TIA1: variants seen among roughly 807,000 people sequenced by gnomAD.
TIA1 encodes the protein cytotoxic granule associated RNA binding protein TIA1.
Under a neutral mutation model 65.9 loss-of-function variants are expected in TIA1, and 23 were observed. The ratio of observed to expected loss-of-function variants is 0.35; its 90% CI spans 0.25 to 0.49. The LOEUF (loss-of-function observed/expected upper bound fraction) is 0.49, where lower values mean the gene tolerates loss of function less well. Among genes scored for constraint, TIA1 ranks in the 20% least tolerant of loss-of-function variants. TIA1 has a pLI of 0.98. For missense variants in TIA1, 371 were observed against 477.9 expected, an observed-to-expected ratio of 0.78 and a Z score of 2.09; for synonymous variants, 147 against 149.4, an observed-to-expected ratio of 0.98 and a Z score of 0.12.
At chr2:70,244,408 AGACG>A (rs1414545026) in intron 1 of TIA1, among the ~76,000 whole-genome samples, 28 of 152,346 alleles carry the variant, frequency 1.8e-4, no homozygotes, top group Admixed American at 1.2e-3. Flanking sequence ...AGTTCCCAGA[AGACG>A]GACAGCCATG....
intron 5 of TIA1, chr2:70,228,378 A>G (rs1192737108): frequency 7.8e-7 from 1 of 1,288,252 alleles, no homozygotes. Flanking sequence ...AAAGTATTTG[A>G]CAGTTTTCTC....
At chr2:70,236,901 A>C (rs80313284) in intron 1 of TIA1, among the ~76,000 whole-genome samples, 10,514 of 152,216 alleles carry the variant, frequency 0.069, 1,131 homozygotes, top group African/African-American at 0.23. Context: ...GTGTAATCTT[A>C]AAGATTACAG....
At chr2:70,218,567 C>T (rs921897348) in intron 7 of TIA1, among the ~76,000 whole-genome samples, 3 of 152,070 alleles carry the variant, frequency 2.0e-5, no homozygotes, top group South Asian at 2.1e-4. Context: ...CCACCAAGCC[C>T]GGCTAATTTT....
intron 3 of TIA1, 55 bp downstream of exon 3, chr2:70,230,701 T>A (rs1328567075): frequency 7.8e-7 from 1 of 1,279,864 alleles, no homozygotes; most frequent in Non-Finnish European, 1.1e-6. Flanking sequence ...AACAAAATCA[T>A]ATATAACTTA....
At chr2:70,227,227 T>C (rs1684202383) in intron 6 of TIA1, among the ~76,000 whole-genome samples, 1 of 152,178 alleles carries the variant, frequency 6.6e-6, no homozygotes, top group South Asian at 2.1e-4. Context: ...AGCAAGGCAG[T>C]GCTTCATAAA....
At chr2:70,233,325 G>T (rs1001264916) in intron 2 of TIA1, among the ~76,000 whole-genome samples, 2 of 152,086 alleles carry the variant, frequency 1.3e-5, no homozygotes, top group Non-Finnish European at 2.9e-5. Flanking sequence ...TTAAAGCAAC[G>T]AGGCCAAGAC....
At position 70,211,266 on chromosome 2, in the gene TIA1, C is replaced by CGG. The variant is rs1558728218; in HGVS notation, c.*1452_*1453insCC. The CGG allele has an allele frequency of 6.6e-6, 1 of 152,136 alleles. No individual in the cohort carries two copies. The highest frequency in any genetic ancestry group is 1.5e-5 in the Non-Finnish European group (1 of 68,020). The allele number at this position is 152,136 out of a possible 1,614,324, so 9.4% of individuals were successfully genotyped here. A position where few individuals can be genotyped will look rare whatever the true frequency, so the allele number is the denominator to read the frequency against. ...TATACTAGAAATTTCAAAACTAGAA[C>CGG]AATGCCATCAAAGATTAAACCTCTT... is the stretch of plus-strand genomic sequence containing the variant. On this transcript the variant is annotated 3_prime_UTR_variant, in exon 13 of 13. Transcript: ENST00000433529.
intron 11 of TIA1, chr2:70,215,068 G>A (rs1347118261): frequency 3.6e-6 from 1 of 275,430 alleles, no homozygotes; most frequent in African/African-American, 2.3e-5. Context: ...GCATGCTTGT[G>A]AGTTCTCCAA....
At chr2:70,234,054 A>G (rs1220617649) in intron 2 of TIA1, among the ~76,000 whole-genome samples, 1 of 152,234 alleles carries the variant, frequency 6.6e-6, no homozygotes, top group African/African-American at 2.4e-5. Context: ...TAGCCAAGGC[A>G]ATCATTAACG....
At chr2:70,224,841 A>AT (rs1486795864) in intron 6 of TIA1, 3 of 1,310,214 alleles carry the variant, frequency 2.3e-6, no homozygotes, top group Admixed American at 3.3e-5. Flanking sequence ...ATATATGTAT[A>AT]TTTATATTGT....
chr2:70,218,902 G>C (rs939306024), intron 7 of TIA1, among the ~76,000 whole-genome samples: 1 of 152,174 alleles, frequency 6.6e-6, no homozygotes, highest in Admixed American at 6.5e-5. Flanking sequence ...AAAATAATGG[G>C]GGCTGGAGGG....
rs1262100031 is a variant in TIA1, at chr2:70,229,393, T to C, written c.223-75A>G. ...AATCACATTTGTATCTATAAACACA[T>C]AGGAAGATATCTGTTTAAGATGAAA... On this transcript the variant is annotated intron_variant, in intron 3 of 12. Transcript: ENST00000433529. The C allele has an allele frequency of 1.1e-5, 14 of 1,247,852 alleles. No individual in the cohort carries two copies. The Admixed American group carries it at 1.8e-4, about 16-fold the overall frequency. The allele number at this position is 1,247,852 out of a possible 1,614,324, so 77.3% of individuals were successfully genotyped here.
intron 3 of TIA1, among the ~76,000 whole-genome samples, chr2:70,229,528 A>G (rs896530399): frequency 6.6e-6 from 1 of 152,204 alleles, no homozygotes; most frequent in Non-Finnish European, 1.5e-5. Flanking sequence ...TTATCATTCA[A>G]TTAACCTTTC....
rs1676382578 is a variant in TIA1, at chr2:70,211,136, T to C, written c.*1583A>G. 1 of 152,144 alleles carries C rather than the reference T, an allele frequency of 6.6e-6. No individual in the cohort carries two copies. Among genetic ancestry groups the C allele is most frequent in the African/African-American group, 2.4e-5 (1 of 41,428 alleles). The allele number at this position is 152,144 out of a possible 1,614,324, so 9.4% of individuals were successfully genotyped here. A position where few individuals can be genotyped will look rare whatever the true frequency, so the allele number is the denominator to read the frequency against. The stretch of plus-strand genomic sequence containing the variant: ...TTGAAAACCATCAACCATTCAAATA[T>C]GTATACTGGGACCTTTCCTCTTGAG... On this transcript the variant is annotated 3_prime_UTR_variant, in exon 13 of 13. Coordinates refer to ENST00000433529, the MANE Select transcript of TIA1 (RefSeq NM_022173.4).
At chr2:70,221,773 C>T (rs1681488010) in intron 7 of TIA1, among the ~76,000 whole-genome samples, 1 of 151,110 alleles carries the variant, frequency 6.6e-6, no homozygotes, top group South Asian at 2.1e-4. Flanking sequence ...CTAGAAACCA[C>T]TGAATTGTAT....
chr2:70,246,454 G>C (rs1432510176), intron 1 of TIA1, among the ~76,000 whole-genome samples: 2 of 152,208 alleles, frequency 1.3e-5, no homozygotes, highest in Non-Finnish European at 2.9e-5. Context: ...TGCCTGACTA[G>C]AAAAATGGGA....
intron 5 of TIA1, chr2:70,228,599 T>C (rs745421187): frequency 9.0e-7 from 1 of 1,112,350 alleles, no homozygotes; most frequent in Non-Finnish European, 1.1e-6. Flanking sequence ...ACTTTAAAAA[T>C]GCAAAATTGT....
chr2:70,246,017 G>A (rs1280475454), intron 1 of TIA1, among the ~76,000 whole-genome samples: 2 of 146,814 alleles, frequency 1.4e-5, no homozygotes, highest in African/African-American at 5.1e-5. Flanking sequence ...TCCACCTCCC[G>A]GGTTCAAGCG....
In TIA1 at chr2:70,248,619, A is replaced by C. The variant is rs997848387; in HGVS notation, c.-189T>G. On this transcript the variant is annotated 5_prime_UTR_variant, in exon 1 of 13. Coordinates refer to ENST00000433529, the MANE Select transcript of TIA1 (RefSeq NM_022173.4). ...GCGGGAACAATGAAACCCCAATACAAGATGGCGGCGAGCCGGGAGCCTAGG... is the reference window on the plus strand; with the variant it reads ...GCGGGAACAATGAAACCCCAATACACGATGGCGGCGAGCCGGGAGCCTAGG... The C allele has an allele frequency of 5.4e-5, 41 of 763,032 alleles. No individual in the cohort carries two copies. The highest frequency in any genetic ancestry group is 8.1e-5 in the Non-Finnish European group (38 of 472,018). The allele number at this position is 763,032 out of a possible 1,614,324, so 47.3% of individuals were successfully genotyped here. A position where few individuals can be genotyped will look rare whatever the true frequency, so the allele number is the denominator to read the frequency against.
Sources: allele counts gnomAD v4.1 joint callset (sites outside exome capture counted in the v4.1 genomes callset), GRCh38; gene constraint gnomAD v4.1.1; transcripts MANE v1.5; gene names NCBI Gene and HGNC (gene_info 2026-07-23, HGNC 2026-07-21).